The following IMMP2L variants were observed in gnomAD, a reference collection of about 807,000 sequenced individuals.
IMMP2L encodes the protein inner mitochondrial membrane peptidase subunit 2.
Under a neutral mutation model 19.3 loss-of-function variants are expected in IMMP2L, and 18 were observed. The ratio of observed to expected loss-of-function variants is 0.93; its 90% CI spans 0.64 to 1.38. The LOEUF (loss-of-function observed/expected upper bound fraction) is 1.38. IMMP2L is among the 40% of genes most tolerant of loss of function. IMMP2L has a pLI of 0.00. For missense variants in IMMP2L, 233 were observed against 218.2 expected (o/e 1.07, Z -0.43); for synonymous variants, 76 against 73.0 (o/e 1.04, Z -0.21).
In IMMP2L at chr7:111,406,622, G is replaced by T. The variant is rs552586395; in HGVS notation, c.239+80616C>A. On this transcript the variant is annotated intron_variant, in intron 3 of 5. Coordinates refer to ENST00000405709, the MANE Select transcript of IMMP2L (RefSeq NM_032549.4). ...CTTAGATCTTTGCATTTGCTCTTCT[G>T]TCTGGAAAAGTTTCCCCCAACTTAT... 4.6e-5 allele frequency among the ~76,000 whole-genome samples: 7 copies of T among 151,844 alleles called. No homozygotes were observed. In the East Asian group the frequency reaches 1.4e-3, roughly 29 times the overall value.
chr7:111,332,185 A>G (rs1825946324), intron 3 of IMMP2L, among the ~76,000 whole-genome samples: 1 of 151,896 alleles, frequency 6.6e-6, no homozygotes, highest in South Asian at 2.1e-4. Flanking sequence ...TAGTAAAGAA[A>G]TAAGTATAAA....
chr7:111,535,196 T>C (rs1313369710), intron 1 of IMMP2L, among the ~76,000 whole-genome samples: 2 of 152,242 alleles, frequency 1.3e-5, no homozygotes, highest in East Asian at 1.9e-4. Flanking sequence ...CAGGAATGCA[T>C]GTATGTCATT....
At chr7:111,441,759 G>A (rs917654749) in intron 3 of IMMP2L, among the ~76,000 whole-genome samples, 1 of 150,210 alleles carries the variant, frequency 6.7e-6, no homozygotes, top group African/African-American at 2.5e-5. Flanking sequence ...TCTGCAAAGT[G>A]CAATGAGATG....
chr7:111,253,554 T>C (rs1816376147), intron 3 of IMMP2L, among the ~76,000 whole-genome samples: 1 of 152,096 alleles, frequency 6.6e-6, no homozygotes, highest in African/African-American at 2.4e-5. Context: ...AATAAAAGTC[T>C]TGAGAGGGAG....
At chr7:111,176,102 T>C (rs1454082873) in intron 3 of IMMP2L, among the ~76,000 whole-genome samples, 1 of 151,944 alleles carries the variant, frequency 6.6e-6, no homozygotes, top group Non-Finnish European at 1.5e-5. Flanking sequence ...AATGACTTTA[T>C]CTGAAAGACA....
At chr7:111,356,723 T>A (rs1828738735) in intron 3 of IMMP2L, among the ~76,000 whole-genome samples, 1 of 152,128 alleles carries the variant, frequency 6.6e-6, no homozygotes, top group Admixed American at 6.6e-5. Context: ...TTTTTATTCA[T>A]AAGATTTTAA....
At chr7:110,685,102 A>C (rs1793021566) in intron 5 of IMMP2L, among the ~76,000 whole-genome samples, 1 of 152,064 alleles carries the variant, frequency 6.6e-6, no homozygotes, top group Admixed American at 6.6e-5. Flanking sequence ...CCATCGGTCA[A>C]ATAGAGAATA....
intron 3 of IMMP2L, among the ~76,000 whole-genome samples, chr7:111,363,703 T>C (rs1189668295): frequency 1.3e-5 from 2 of 152,066 alleles, no homozygotes; most frequent in African/African-American, 4.8e-5. Context: ...AATCTAATCA[T>C]AGGACTCTCC....
chr7:110,889,398 TAA>T (rs1435207614), intron 4 of IMMP2L, among the ~76,000 whole-genome samples: 1 of 152,132 alleles, frequency 6.6e-6, no homozygotes, highest in African/African-American at 2.4e-5. Context: ...TCATCAGGTA[TAA>T]GAGTGTCATA....
chr7:110,973,971 T>C (rs1355595158), intron 3 of IMMP2L, among the ~76,000 whole-genome samples: 1 of 152,060 alleles, frequency 6.6e-6, no homozygotes, highest in Non-Finnish European at 1.5e-5. Context: ...GTGGACGAAA[T>C]TTGCATGGGT....
At chr7:111,400,657 T>C (rs1051189675) in intron 3 of IMMP2L, among the ~76,000 whole-genome samples, 57 of 152,088 alleles carry the variant, frequency 3.7e-4, no homozygotes, top group African/African-American at 1.4e-3. Flanking sequence ...GTTAAATTTG[T>C]GTGTAGATAT....
intron 3 of IMMP2L, among the ~76,000 whole-genome samples, chr7:111,020,307 C>T (rs1585791006): frequency 6.6e-6 from 1 of 151,930 alleles, no homozygotes; most frequent in East Asian, 1.9e-4. Context: ...TTGCTTGAAC[C>T]CAGGAGGCGA....
intron 3 of IMMP2L, among the ~76,000 whole-genome samples, chr7:111,154,541 T>G (rs1804424974): frequency 6.6e-6 from 1 of 152,074 alleles, no homozygotes; most frequent in Non-Finnish European, 1.5e-5. Context: ...TTAATTTCAG[T>G]AAAAAGAAAA....
At chr7:110,973,615 T>C (rs1563125164) in intron 3 of IMMP2L, among the ~76,000 whole-genome samples, 1 of 152,144 alleles carries the variant, frequency 6.6e-6, no homozygotes, top group Non-Finnish European at 1.5e-5. Flanking sequence ...TTCTAGTTCA[T>C]AAAATCTTAT....
At position 111,122,248 on chromosome 7, in the gene IMMP2L, T is replaced by C. The variant is rs538048245; in HGVS notation, c.240-158683A>G. ...AAAAAAAAAGAATTATCAAGGACAG[T>C]CATGAAAAAGATAAAGTCACCAAAC... On this transcript the variant is annotated intron_variant, in intron 3 of 5. Transcript: ENST00000405709. 2.4e-4 allele frequency among the ~76,000 whole-genome samples: 36 copies of C among 152,142 alleles called. No homozygotes were observed. In the East Asian group the frequency reaches 7.0e-3, roughly 29 times the overall value.
intron 2 of IMMP2L, among the ~76,000 whole-genome samples, chr7:111,515,534 G>A (rs1478336398): frequency 1.3e-5 from 2 of 152,114 alleles, no homozygotes; most frequent in African/African-American, 4.8e-5. Context: ...TGACTTTAAT[G>A]TATACTTACT....
At chr7:111,119,823 G>T (rs1019614335) in intron 3 of IMMP2L, among the ~76,000 whole-genome samples, 1 of 152,160 alleles carries the variant, frequency 6.6e-6, no homozygotes, top group Non-Finnish European at 1.5e-5. Context: ...CCTGGTGAAG[G>T]AAAGGATCAA....
At chr7:111,416,301 G>A (rs1734128431) in intron 3 of IMMP2L, among the ~76,000 whole-genome samples, 1 of 151,802 alleles carries the variant, frequency 6.6e-6, no homozygotes, top group African/African-American at 2.4e-5. Flanking sequence ...TCAGAAAACT[G>A]TATGTAATGA....
intron 3 of IMMP2L, among the ~76,000 whole-genome samples, chr7:111,237,904 G>C (rs1332717799): frequency 6.6e-6 from 1 of 151,968 alleles, no homozygotes; most frequent in African/African-American, 2.4e-5. Context: ...GTAAAATGGT[G>C]ATAATGGTAT....
Sources: allele counts gnomAD v4.1 joint callset (sites outside exome capture counted in the v4.1 genomes callset), GRCh38; gene constraint gnomAD v4.1.1; transcripts MANE v1.5; gene names NCBI Gene and HGNC (gene_info 2026-07-23, HGNC 2026-07-21).